CATSPERT: variants seen among roughly 807,000 people sequenced by gnomAD.
CATSPERT encodes the protein catsper channel auxiliary subunit tau.
chr2:201,563,148 AC>A, the CATSPERT span, among the ~76,000 whole-genome samples: 1 of 46,228 alleles, frequency 2.2e-5, no homozygotes. Flanking sequence ...CGGGGGGCTG[AC>A]CCCCCACCTC....
the CATSPERT span, chr2:201,554,343 A>C: frequency 6.6e-6 from 1 of 152,160 alleles, no homozygotes; most frequent in Non-Finnish European, 1.5e-5. Context: ...GGTATCTAGT[A>C]CATATGGCTC....
chr2:201,525,598 A>G, the CATSPERT span, among the ~76,000 whole-genome samples: 1 of 152,194 alleles, frequency 6.6e-6, no homozygotes, highest in Non-Finnish European at 1.5e-5. Flanking sequence ...AGCCAGCAGA[A>G]GAAAAGAAAT....
At chr2:201,618,918 G>T in the CATSPERT span, 5 of 1,613,578 alleles carry the variant, frequency 3.1e-6, no homozygotes, top group Non-Finnish European at 3.4e-6. Context: ...GCCGGTGCCC[G>T]GTGCCCTCCT....
chr2:201,584,705 C>T, the CATSPERT span, among the ~76,000 whole-genome samples: 1 of 152,192 alleles, frequency 6.6e-6, no homozygotes, highest in Middle Eastern at 3.4e-3. Flanking sequence ...ATCGCTTGAA[C>T]CCGGGAGGCA....
At chr2:201,599,915 A>G in the CATSPERT span, among the ~76,000 whole-genome samples, 2 of 152,236 alleles carry the variant, frequency 1.3e-5, no homozygotes, top group South Asian at 4.1e-4. Context: ...TAAAACAAAC[A>G]GTATGTGTTG....
chr2:201,602,867 AT>A, the CATSPERT span, among the ~76,000 whole-genome samples: 4 of 152,216 alleles, frequency 2.6e-5, no homozygotes, highest in Non-Finnish European at 5.9e-5. Flanking sequence ...ACTGTGATAT[AT>A]TTTTAAATTA....
chr2:201,551,069 T>C, the CATSPERT span: 1 of 152,354 alleles, frequency 6.6e-6, no homozygotes, highest in East Asian at 1.9e-4. Flanking sequence ...AACATGAGCT[T>C]GAACTGTGCA....
the CATSPERT span, among the ~76,000 whole-genome samples, chr2:201,499,781 T>C: frequency 2.0e-5 from 3 of 151,248 alleles, no homozygotes; most frequent in African/African-American, 7.3e-5. Context: ...TGCAGTGAGC[T>C]ATGATCATAC....
chr2:201,563,047 G>T, the CATSPERT span, among the ~76,000 whole-genome samples: 1 of 151,258 alleles, frequency 6.6e-6, no homozygotes, highest in Admixed American at 6.6e-5. Flanking sequence ...TCCCAGACGG[G>T]GTGGTGGCCG....
chr2:201,575,034 C>CAAAAA, the CATSPERT span, among the ~76,000 whole-genome samples: 13 of 97,906 alleles, frequency 1.3e-4, no homozygotes, highest in Non-Finnish European at 1.7e-4. Flanking sequence ...CACCATTTAG[C>CAAAAA]AAAAAAAAAA....
chr2:201,517,464 T>G, the CATSPERT span, among the ~76,000 whole-genome samples: 3 of 152,220 alleles, frequency 2.0e-5, no homozygotes, highest in East Asian at 5.8e-4. Flanking sequence ...CATCCCATTC[T>G]TATTGTCAAA....
chr2:201,585,781 TTAAA>T, the CATSPERT span, among the ~76,000 whole-genome samples: 3 of 152,180 alleles, frequency 2.0e-5, no homozygotes, highest in Non-Finnish European at 4.4e-5. Context: ...ATAGCCATTT[TTAAA>T]AAGAGTAGTG....
At chr2:201,524,018 T>C in the CATSPERT span, among the ~76,000 whole-genome samples, 209 of 152,206 alleles carry the variant, frequency 1.4e-3, no homozygotes, top group African/African-American at 4.4e-3. Flanking sequence ...CTACAACTCA[T>C]TGGTATCCCT....
the CATSPERT span, among the ~76,000 whole-genome samples, chr2:201,594,633 G>C: frequency 6.6e-6 from 1 of 151,860 alleles, no homozygotes; most frequent in Non-Finnish European, 1.5e-5. Context: ...ACGTAGATTT[G>C]GTCTTTTCAC....
the CATSPERT span, chr2:201,553,371 A>T: frequency 6.6e-6 from 1 of 152,182 alleles, no homozygotes; most frequent in Non-Finnish European, 1.5e-5. Flanking sequence ...AAATCTTAGA[A>T]CACTTCAAAA....
the CATSPERT span, chr2:201,574,156 C>A: frequency 1.5e-6 from 2 of 1,302,976 alleles, no homozygotes; most frequent in Admixed American, 2.4e-5. Context: ...CAGAAGAGGA[C>A]GATTTGACTG....
At chr2:201,604,395 G>A in the CATSPERT span, among the ~76,000 whole-genome samples, 133,018 of 152,088 alleles carry the variant, frequency 0.87, 59,239 homozygotes, top group South Asian at 0.98. Context: ...AGGTAATTCC[G>A]ATATAACTAG....
chr2:201,588,279 A>G, the CATSPERT span, among the ~76,000 whole-genome samples: 4 of 151,996 alleles, frequency 2.6e-5, no homozygotes, highest in African/African-American at 4.8e-5. Flanking sequence ...GCAGCAGATC[A>G]AAAAGCTTGC....
the CATSPERT span, among the ~76,000 whole-genome samples, chr2:201,552,122 T>C: frequency 6.6e-6 from 1 of 151,880 alleles, no homozygotes; most frequent in African/African-American, 2.4e-5. Flanking sequence ...CAGCCTTGAG[T>C]AACTACAGGT....
Sources: gnomAD v4.1 joint callset for allele counts (sites outside exome capture counted in the v4.1 genomes callset) on GRCh38, gnomAD v4.1.1 for gene constraint, MANE v1.5 for transcripts, NCBI Gene and HGNC (gene_info 2026-07-23, HGNC 2026-07-21) for gene names.